Variants in KCNQ3 observed in about 807,000 individuals in gnomAD.
KCNQ3 encodes potassium voltage-gated channel subfamily Q member 3.
In KCNQ3, 30 loss-of-function variants were observed where a neutral mutation model predicts 92.5. The observed-to-expected ratio is 0.32, with a 90% CI of 0.24 to 0.44. KCNQ3 has a LOEUF of 0.44. Among genes scored for constraint, KCNQ3 ranks in the 20% least tolerant of loss-of-function variants. The probability of loss-of-function intolerance (pLI) is 1.00; values close to 1 mark genes in which losing one functional copy is unlikely to be tolerated. For missense variants in KCNQ3, 913 were observed against 1,140.3 expected, an observed-to-expected ratio of 0.80 and a Z score of 2.87; for synonymous variants, 450 against 468.8, an observed-to-expected ratio of 0.96 and a Z score of 0.52.
At chr8:132,378,175 T>C (rs1265346820) in intron 1 of KCNQ3, among the ~76,000 whole-genome samples, 3 of 151,926 alleles carry the variant, frequency 2.0e-5, no homozygotes, top group African/African-American at 7.3e-5. Context: ...GGGTGGATCG[T>C]TGGAGGTTTG....
At position 132,124,197 on chromosome 8, in the gene KCNQ3, T is replaced by G. The variant is rs1455777303; in HGVS notation, c.*5065A>C. 1 of 152,210 alleles carries G rather than the reference T, an allele frequency of 6.6e-6. No homozygotes were observed. Among genetic ancestry groups the G allele is most frequent in the African/African-American group, 2.4e-5 (1 of 41,462 alleles). 9.4% of individuals were successfully genotyped at this position (152,210 alleles called of 1,614,324 possible). A position where few individuals can be genotyped will look rare whatever the true frequency, so the allele number is the denominator to read the frequency against. On this transcript the variant is annotated 3_prime_UTR_variant, in exon 15 of 15. Coordinates refer to ENST00000388996, the MANE Select transcript of KCNQ3 (RefSeq NM_004519.4). ...GAGCAAGCATTTTTATTTGCAGAGA[T>G]GTACTTATTTAAAAAGCAATTGTGA... is the stretch of plus-strand genomic sequence containing the variant.
At chr8:132,416,438 GC>G (rs756991068) in intron 1 of KCNQ3, among the ~76,000 whole-genome samples, 14 of 152,062 alleles carry the variant, frequency 9.2e-5, no homozygotes, top group Non-Finnish European at 2.9e-5. Flanking sequence ...GACCAGCTTG[GC>G]CAACATGGTG....
intron 1 of KCNQ3, among the ~76,000 whole-genome samples, chr8:132,479,655 A>G (rs1172395412): frequency 3.0e-5 from 4 of 134,816 alleles, no homozygotes; most frequent in African/African-American, 8.0e-5. Context: ...ACACACACAC[A>G]CGCTCCCCAC....
chr8:132,311,389 A>C (rs574605405), intron 1 of KCNQ3, among the ~76,000 whole-genome samples: 1 of 151,984 alleles, frequency 6.6e-6, no homozygotes, highest in African/African-American at 2.4e-5. Flanking sequence ...CCCGTTTACT[A>C]ATTTATTGTA....
At chr8:132,305,692 G>C (rs1426964614) in intron 1 of KCNQ3, among the ~76,000 whole-genome samples, 2 of 151,970 alleles carry the variant, frequency 1.3e-5, no homozygotes, top group Non-Finnish European at 2.9e-5. Flanking sequence ...AGTAGCTTCT[G>C]CTTGGGGGCC....
intron 1 of KCNQ3, among the ~76,000 whole-genome samples, chr8:132,245,067 G>T (rs1815122478): frequency 6.6e-6 from 1 of 152,010 alleles, no homozygotes; most frequent in African/African-American, 2.4e-5. Context: ...CATCTTGAAT[G>T]GTCTTGTCCA....
chr8:132,124,974 C>T lies in KCNQ3; in HGVS notation c.*4288G>A, dbSNP rs899532472. 2.0e-5 allele frequency: 3 copies of T among 152,164 alleles called. No homozygotes were observed. Among genetic ancestry groups the T allele is most frequent in the African/African-American group, 7.2e-5 (3 of 41,430 alleles). 9.4% of individuals were successfully genotyped at this position (152,164 alleles called of 1,614,324 possible). A position where few individuals can be genotyped will look rare whatever the true frequency, so the allele number is the denominator to read the frequency against. On this transcript the variant is annotated 3_prime_UTR_variant, in exon 15 of 15. Coordinates refer to ENST00000388996, the MANE Select transcript of KCNQ3 (RefSeq NM_004519.4). Reference sequence around the variant, plus strand: ...CCAGGAGAATTTGATCTGCAGGTTCCCATAAGTAGAGTAACATCTTTCTCT... The same window carrying T: ...CCAGGAGAATTTGATCTGCAGGTTCTCATAAGTAGAGTAACATCTTTCTCT...
intron 8 of KCNQ3, among the ~76,000 whole-genome samples, chr8:132,165,215 C>G (rs774119645): frequency 2.5e-4 from 38 of 152,284 alleles, no homozygotes; most frequent in Middle Eastern, 6.8e-3. Flanking sequence ...TGAGATTGCT[C>G]TAGCCAAAGC....
chr8:132,173,359 G>A (rs537264678), intron 6 of KCNQ3, among the ~76,000 whole-genome samples: 1 of 152,276 alleles, frequency 6.6e-6, no homozygotes, highest in South Asian at 2.1e-4. Context: ...GAAAAAAACC[G>A]ACAAGGTAGG....
intron 1 of KCNQ3, among the ~76,000 whole-genome samples, chr8:132,326,830 G>A (rs915316522): frequency 6.6e-6 from 1 of 152,232 alleles, no homozygotes; most frequent in African/African-American, 2.4e-5. Context: ...TTTTGTTATA[G>A]TAGCACAGAG....
chr8:132,251,395 G>A (rs1195806860), intron 1 of KCNQ3, among the ~76,000 whole-genome samples: 1 of 152,222 alleles, frequency 6.6e-6, no homozygotes, highest in Non-Finnish European at 1.5e-5. Context: ...CTGTGAGGAT[G>A]ACCCCGTTGA....
chr8:132,240,655 C>T (rs1471905493), intron 1 of KCNQ3, among the ~76,000 whole-genome samples: 1 of 152,168 alleles, frequency 6.6e-6, no homozygotes, highest in African/African-American at 2.4e-5. Flanking sequence ...TCAGAGTGAG[C>T]CTCGCACCAC....
In KCNQ3 at chr8:132,266,464, A is replaced by G. The variant is rs1056032361; in HGVS notation, c.387-80283T>C. 1.3e-5 allele frequency among the ~76,000 whole-genome samples: 2 copies of G among 152,210 alleles called. 1 individual carries two copies. The highest frequency in any genetic ancestry group is 1.3e-4 in the Admixed American group (2 of 15,284). ...ACGGGAAAATGGGAAAAGGCTAGAC[A>G]GCAAGCTCATCACAGCCTGTTTTTT... On this transcript the variant is annotated intron_variant, in intron 1 of 14. Transcript: ENST00000388996.
At chr8:132,213,064 T>G (rs1045731667) in intron 1 of KCNQ3, among the ~76,000 whole-genome samples, 1 of 152,328 alleles carries the variant, frequency 6.6e-6, no homozygotes, top group Admixed American at 6.5e-5. Context: ...ACCAAGACTT[T>G]TTTTTTTAAA....
At chr8:132,377,699 G>A (rs1333092377) in intron 1 of KCNQ3, among the ~76,000 whole-genome samples, 1 of 152,200 alleles carries the variant, frequency 6.6e-6, no homozygotes, top group Non-Finnish European at 1.5e-5. Flanking sequence ...AATAGTGGGT[G>A]CTTGATAAAT....
chr8:132,180,933 G>A (rs1826746171), intron 3 of KCNQ3, among the ~76,000 whole-genome samples: 1 of 151,984 alleles, frequency 6.6e-6, no homozygotes, highest in Non-Finnish European at 1.5e-5. Context: ...TCTGAAAAAT[G>A]GGAAGCTGGG....
intron 1 of KCNQ3, among the ~76,000 whole-genome samples, chr8:132,429,861 C>CAA (rs374921143): frequency 1.4e-3 from 90 of 63,756 alleles, no homozygotes; most frequent in East Asian, 3.6e-3. Flanking sequence ...AACTCCTTCT[C>CAA]AAAAAAAAAA....
chr8:132,335,947 G>A (rs1478875784), intron 1 of KCNQ3, among the ~76,000 whole-genome samples: 1 of 152,106 alleles, frequency 6.6e-6, no homozygotes, highest in East Asian at 1.9e-4. Flanking sequence ...CCCTTGTGCT[G>A]GAGCCTTTTC....
At chr8:132,450,024 G>A (rs1462431175) in intron 1 of KCNQ3, among the ~76,000 whole-genome samples, 2 of 152,164 alleles carry the variant, frequency 1.3e-5, no homozygotes, top group African/African-American at 4.8e-5. Flanking sequence ...GGACCTCCGT[G>A]GTGAGTGTTA....
Sources: gnomAD v4.1 joint callset for allele counts (sites outside exome capture counted in the v4.1 genomes callset) on GRCh38, gnomAD v4.1.1 for gene constraint, MANE v1.5 for transcripts, NCBI Gene and HGNC (gene_info 2026-07-23, HGNC 2026-07-21) for gene names.